Variants in EHMT1 observed in about 807,000 individuals in gnomAD.
EHMT1 encodes the protein euchromatic histone lysine methyltransferase 1.
Under a neutral mutation model 147.2 loss-of-function variants are expected in EHMT1, and 15 were observed. The observed-to-expected ratio is 0.10, with a 90% CI of 0.07 to 0.16. EHMT1 has a LOEUF of 0.16. Ranked by LOEUF, EHMT1 falls within the 10% of genes least tolerant of loss-of-function variation. The pLI is 1.00. For synonymous variants in EHMT1, 795 were observed against 709.6 expected, an observed-to-expected ratio of 1.12 and a Z score of -1.91; for missense variants, 1,587 against 1,772.4, an observed-to-expected ratio of 0.90 and a Z score of 1.88.
chr9:137,788,239 C>T (rs1286918262), intron 15 of EHMT1: 5 of 480,016 alleles, frequency 1.0e-5, no homozygotes, highest in East Asian at 3.2e-5. Flanking sequence ...TCCCTGGAGT[C>T]CCCTAGCAGG....
At chr9:137,709,678 G>A (rs945527881) in intron 1 of EHMT1, among the ~76,000 whole-genome samples, 1 of 141,958 alleles carries the variant, frequency 7.0e-6, no homozygotes, top group Non-Finnish European at 1.5e-5. Flanking sequence ...CTTCTTACCT[G>A]TTGATAGTCA....
At chr9:137,716,571 TG>T in intron 2 of EHMT1, 54 bp from the exon 3 acceptor site, 1 of 1,485,086 alleles carries the variant, frequency 6.7e-7, no homozygotes, top group Non-Finnish European at 9.0e-7. Context: ...GTGGTGGTGG[TG>T]GTGCCATGGA....
intron 2 of EHMT1, among the ~76,000 whole-genome samples, chr9:137,713,373 C>T (rs1188597260): frequency 6.6e-6 from 1 of 151,360 alleles, no homozygotes; most frequent in African/African-American, 2.4e-5. Context: ...GGGTTCACGC[C>T]ATTCTTCTGC....
At chr9:137,754,408 T>TA (rs890588962) in intron 8 of EHMT1, 117 bp downstream of exon 8, 20 of 1,415,044 alleles carry the variant, frequency 1.4e-5, no homozygotes, top group Admixed American at 2.6e-5. Context: ...CATCACTGTT[T>TA]AAAAAAAATG....
Position 137,834,440 on chromosome 9 carries a change from G to A in EHMT1, c.3632G>A (p.Arg1211His), listed in dbSNP as rs751046687. The change falls in exon 26 of 27, where the codon CGC becomes CAC. Residue 1211 changes from arginine (R) to histidine (H), a missense_variant. This residue lies in a region of EHMT1 where 141 missense variants were observed against 150.8 expected (regional missense o/e 0.94). Transcript: ENST00000460843. ...HHCEPNLVPV[R>H]VFMAHQDLRF... ...TGCGAGCCCAACCTGGTGCCCGTGC[G>A]CGTGTTCATGGCCCACCAGGACCTG... is the stretch of plus-strand genomic sequence containing the variant. The A allele has an allele frequency of 1.3e-5, 21 of 1,613,094 alleles. No individual in the cohort carries two copies. Among genetic ancestry groups the A allele is most frequent in the African/African-American group, 5.3e-5 (4 of 74,926 alleles).
intron 1 of EHMT1, among the ~76,000 whole-genome samples, chr9:137,693,539 C>T (rs946012698): frequency 6.6e-6 from 1 of 152,106 alleles, no homozygotes; most frequent in Admixed American, 6.5e-5. Context: ...TGTCACTTAC[C>T]CACCACGCAG....
chr9:137,711,120 TCTGA>T, intron 2 of EHMT1, 90 bp downstream of exon 2: 8 of 1,381,420 alleles, frequency 5.8e-6, no homozygotes, highest in South Asian at 2.6e-5. Flanking sequence ...GTCCCCGTCT[TCTGA>T]CTTTCTTTGC....
rs575445723 is a variant in EHMT1, at chr9:137,716,663, A to G, written c.123A>G (p.Lys41=). 1.9e-6 allele frequency: 3 copies of G among 1,593,550 alleles called. No individual in the cohort carries two copies. Among genetic ancestry groups the G allele is most frequent in the African/African-American group, 1.3e-5 (1 of 74,356 alleles). Residue 41 remains lysine (K), a synonymous_variant, in exon 3 of 27, where the codon AAA becomes AAG. Transcript: ENST00000460843. ...PMAADEGSAE[K]QAGEAHMAAD... ...CTGCCGATGAAGGCTCAGCAGAGAA[A>G]CAGGCAGGAGAGGCCCACATGGCTG...
chr9:137,726,749 C>T (rs537486618), intron 3 of EHMT1, among the ~76,000 whole-genome samples: 2 of 152,356 alleles, frequency 1.3e-5, no homozygotes, highest in South Asian at 4.1e-4. Flanking sequence ...TCCCATTTCT[C>T]CAGTTCTCAC....
chr9:137,775,954 C>T lies in EHMT1; in HGVS notation c.1792-664C>T, dbSNP rs1453429487. Among the ~76,000 whole-genome samples, 5 of 151,920 alleles carry T rather than the reference C, an allele frequency of 3.3e-5. No individual in the cohort carries two copies. The highest frequency in any genetic ancestry group is 1.9e-4 in the East Asian group (1 of 5,160). On this transcript the variant is annotated intron_variant, in intron 11 of 26. Coordinates refer to ENST00000460843, the MANE Select transcript of EHMT1 (RefSeq NM_024757.5). This position sits in a 1 kb window ranked among gnomAD's most constrained non-coding sequence, Gnocchi z 6.1. ...CTGCCTGTAAGCGTCTGTCTGTGTG[C>T]GCCTGTGTGTGTGAGTGTTTGAGTG...
At chr9:137,722,020 G>T (rs1946110604) in intron 3 of EHMT1, among the ~76,000 whole-genome samples, 1 of 149,618 alleles carries the variant, frequency 6.7e-6, no homozygotes, top group South Asian at 2.1e-4. Context: ...TTAAATCTGT[G>T]ATCCATTTTG....
intron 15 of EHMT1, chr9:137,788,088 C>T (rs927716459): frequency 7.4e-7 from 1 of 1,346,578 alleles, no homozygotes; most frequent in Non-Finnish European, 1.0e-6. Context: ...TCTCGTGGGG[C>T]CAGGAAGGGG....
chr9:137,630,698 A>G (rs965204137), intron 1 of EHMT1, among the ~76,000 whole-genome samples: 2 of 152,030 alleles, frequency 1.3e-5, no homozygotes, highest in African/African-American at 4.8e-5. Context: ...GTGCATTCGT[A>G]TCTTCAGTGT....
chr9:137,810,857 G>T (rs185593751), intron 18 of EHMT1, among the ~76,000 whole-genome samples: 1 of 151,894 alleles, frequency 6.6e-6, no homozygotes, highest in Non-Finnish European at 1.5e-5. Context: ...CCACCACCAC[G>T]CCCGGCTCAT....
At chr9:137,833,659 T>TGCCAGGG (rs1234402299) in intron 25 of EHMT1, among the ~76,000 whole-genome samples, 9 of 152,220 alleles carry the variant, frequency 5.9e-5, no homozygotes, top group African/African-American at 2.2e-4. Context: ...CACAGGCCAG[T>TGCCAGGG]GCCAGGGGCC....
At position 137,752,339 on chromosome 9, in the gene EHMT1, G is replaced by A. The variant is rs1260242356; in HGVS notation, c.1179G>A (p.Gly393=). ...ACTGTGTGGCTGATCAGATGGACGG[G>A]GAGTCCGAGGAGGAGCAGGAGTCCG... ...SEADRAQKMD[G]ESEEEQESVD... The change falls in exon 7 of 27, where the codon GGG becomes GGA. Residue 393 remains glycine, a synonymous_variant. Transcript: ENST00000460843. 5 of 1,614,094 alleles carry A rather than the reference G, an allele frequency of 3.1e-6. No homozygotes were observed. Among genetic ancestry groups the A allele is most frequent in the Middle Eastern group, 1.6e-4 (1 of 6,064 alleles).
At chr9:137,834,605 C>G (rs2133157063) in intron 26 of EHMT1, 81 bp downstream of exon 26, 1 of 1,599,318 alleles carries the variant, frequency 6.3e-7, no homozygotes, top group Non-Finnish European at 8.5e-7. Context: ...CTTTCCTGGG[C>G]TTGTCTCGGG....
chr9:137,771,649 G>A (rs185589685), intron 10 of EHMT1, among the ~76,000 whole-genome samples: 24 of 152,244 alleles, frequency 1.6e-4, no homozygotes, highest in Admixed American at 9.2e-4. Flanking sequence ...TGGTCTTACC[G>A]AGGAGATGGG....
At chr9:137,834,199 G>T in intron 25 of EHMT1, 150 bp from the exon 26 acceptor site, 1 of 1,027,894 alleles carries the variant, frequency 9.7e-7, no homozygotes, top group Non-Finnish European at 1.4e-6. Flanking sequence ...GCTCCGCACC[G>T]CCGCCACAGG....
Sources: gnomAD v4.1 joint callset for allele counts (sites outside exome capture counted in the v4.1 genomes callset) on GRCh38, gnomAD v4.1.1 for gene constraint, gnomAD v4.1.1 regional missense constraint, Gnocchi (gnomAD v3.1) non-coding constraint, MANE v1.5 for transcripts, NCBI Gene and HGNC (gene_info 2026-07-23, HGNC 2026-07-21) for gene names.